MYH7B: variants seen among roughly 807,000 people sequenced by gnomAD.
The protein encoded by MYH7B is myosin heavy chain 7B, also known as myosin-7B.
In MYH7B, 205 loss-of-function variants were observed where a neutral mutation model predicts 234.5. The ratio of observed to expected loss-of-function variants is 0.87; its 90% CI spans 0.78 to 0.98. MYH7B has a LOEUF of 0.98. Ranked by LOEUF, MYH7B falls within the 50% of genes least tolerant of loss-of-function variation. The probability of loss-of-function intolerance (pLI) is 0.00; values close to 1 mark genes in which losing one functional copy is unlikely to be tolerated. For synonymous variants in MYH7B, 1,193 were observed against 1,105.0 expected, an observed-to-expected ratio of 1.08 and a Z score of -1.58; for missense variants, 2,652 against 2,633.4, an observed-to-expected ratio of 1.01 and a Z score of -0.15.
At chr20:34,982,326 G>T in intron 9 of MYH7B, 133 bp from the exon 10 acceptor site, 1 of 734,736 alleles carries the variant, frequency 1.4e-6, no homozygotes, top group Non-Finnish European at 2.4e-6. Flanking sequence ...CACCTCTGAG[G>T]GTTGATCCAT....
chr20:34,998,781 GCAACAC>G (rs779578452), exon 35 of MYH7B: 8 of 1,613,034 alleles, frequency 5.0e-6, no homozygotes, highest in Non-Finnish European at 6.8e-6. Context: ...TCCTGCGGGA[GCAACAC>G]GAGGAGGAGG....
exon 39 of MYH7B, chr20:35,000,294 C>T (rs746231312): frequency 2.0e-5 from 31 of 1,570,098 alleles, no homozygotes; most frequent in African/African-American, 4.0e-5. Flanking sequence ...CTCCCATAGG[C>T]GCAACCACCA....
chr20:34,957,252 G>A (rs13041792), intron 1 of MYH7B, among the ~76,000 whole-genome samples: 28,937 of 152,082 alleles, frequency 0.19, 2,841 homozygotes, highest in Middle Eastern at 0.33. Flanking sequence ...AGCAGGGGAA[G>A]GACATGGTTA....
intron 24 of MYH7B, among the ~76,000 whole-genome samples, chr20:34,991,876 C>T (rs2082156870): frequency 6.6e-6 from 1 of 152,228 alleles, no homozygotes; most frequent in South Asian, 2.1e-4. Context: ...GCCTGGAGAT[C>T]GTTCCTTATC....
chr20:34,969,346 A>C (rs940763400), intron 2 of MYH7B, among the ~76,000 whole-genome samples: 1 of 152,046 alleles, frequency 6.6e-6, no homozygotes, highest in Non-Finnish European at 1.5e-5. Context: ...CACGATTTAA[A>C]GTTCAAAGGG....
chr20:34,983,431 C>T lies in MYH7B; in HGVS notation c.624+876C>T, dbSNP rs2081972117. On this transcript the variant is annotated intron_variant, in intron 10 of 44. Transcript: ENST00000262873. The stretch of plus-strand genomic sequence containing the variant: ...TCCTTTTTCCTCCTTCCCTTTCCTG[C>T]CCTGTCTTCCAAATCCCTAAAAAGG... Among the ~76,000 whole-genome samples, 5 of 151,584 alleles carry T rather than the reference C, an allele frequency of 3.3e-5. No individual in the cohort carries two copies. In the South Asian group the frequency reaches 1.0e-3, roughly 32 times the overall value.
chr20:35,001,146 G>T (rs749507189), exon 41 of MYH7B: 1 of 1,613,756 alleles, frequency 6.2e-7, no homozygotes, highest in Non-Finnish European at 8.5e-7. Flanking sequence ...AGGTGCAGAA[G>T]CTGGAGGCCA....
At chr20:34,985,803 A>G (rs1444656887) in intron 13 of MYH7B, among the ~76,000 whole-genome samples, 1 of 152,120 alleles carries the variant, frequency 6.6e-6, no homozygotes, top group Non-Finnish European at 1.5e-5. Flanking sequence ...CCACACACGC[A>G]CACACGCTGA....
chr20:35,000,003 T>C lies in MYH7B; in HGVS notation c.4781+97T>C, dbSNP rs2082339710. 4 of 1,205,784 alleles carry C rather than the reference T, an allele frequency of 3.3e-6. No individual in the cohort carries two copies. In the East Asian group the frequency reaches 1.0e-4, roughly 31 times the overall value. The allele number at this position is 1,205,784 out of a possible 1,614,324, so 74.7% of individuals were successfully genotyped here. A position where few individuals can be genotyped will look rare whatever the true frequency, so the allele number is the denominator to read the frequency against. ...CTAGTCTGTCCCTCCCATGGGACTT[T>C]GAGGTCCGGGTTGCTGTCTCCATTC... On this transcript the variant is annotated intron_variant, in intron 38 of 44. Coordinates refer to ENST00000262873, the Ensembl canonical transcript of MYH7B.
At chr20:34,987,372 C>T in intron 16 of MYH7B, 85 bp downstream of exon 16, 1 of 1,557,840 alleles carries the variant, frequency 6.4e-7, no homozygotes, top group Non-Finnish European at 8.7e-7. Flanking sequence ...TGTCCACAAC[C>T]TTTAACCTCA....
In MYH7B at chr20:34,998,251, T is replaced by G. The variant is rs769422136; in HGVS notation, c.3748-44T>G. 3.1e-6 allele frequency: 5 copies of G among 1,605,716 alleles called. No homozygotes were observed. The Admixed American group carries it at 8.4e-5, about 27-fold the overall frequency. Reference sequence around the variant, plus strand: ...TGCCATCTGATGCACAAACTTGTTCTGACATCTAACTCCTGACCCCTGACT... The same window carrying G: ...TGCCATCTGATGCACAAACTTGTTCGGACATCTAACTCCTGACCCCTGACT... On this transcript the variant is annotated intron_variant, in intron 32 of 44. Transcript: ENST00000262873.
At chr20:34,990,662 G>A (rs984333729) in intron 22 of MYH7B, 76 bp from the exon 23 acceptor site, 16 of 1,390,752 alleles carry the variant, frequency 1.2e-5, no homozygotes, top group Non-Finnish European at 1.4e-5. Context: ...CTCCCGTCTC[G>A]GTCCTGACCA....
chr20:34,992,571 T>C (rs2082175874), intron 24 of MYH7B, among the ~76,000 whole-genome samples: 1 of 146,842 alleles, frequency 6.8e-6, no homozygotes, highest in Non-Finnish European at 1.5e-5. Flanking sequence ...GTTTTTTTTT[T>C]TTTTTTTGAG....
chr20:34,984,116 A>T (rs2077574), intron 10 of MYH7B, among the ~76,000 whole-genome samples: 116,880 of 152,202 alleles, frequency 0.77, 45,226 homozygotes, highest in Middle Eastern at 0.83. Flanking sequence ...GCCCAGAGCT[A>T]AGTCTCCTCA....
exon 19 of MYH7B, chr20:34,988,227 C>T: frequency 6.2e-7 from 1 of 1,614,104 alleles, no homozygotes; most frequent in Non-Finnish European, 8.5e-7. Flanking sequence ...CGACTTCGGC[C>T]TTGACCTGCA....
chr20:34,999,573 G>A (rs747228984), exon 37 of MYH7B: 1 of 1,605,324 alleles, frequency 6.2e-7, no homozygotes, highest in Non-Finnish European at 8.5e-7. Context: ...CACTGCAGAG[G>A]AGATCAGCGA....
At chr20:34,981,129 G>A (rs2081935949) in intron 9 of MYH7B, 69 bp downstream of exon 9, 12 of 1,587,840 alleles carry the variant, frequency 7.6e-6, no homozygotes, top group Non-Finnish European at 1.0e-5. Flanking sequence ...CGGTACCACA[G>A]TCATTTCCCA....
At chr20:34,969,278 T>C (rs1244287868) in intron 2 of MYH7B, among the ~76,000 whole-genome samples, 3 of 152,106 alleles carry the variant, frequency 2.0e-5, no homozygotes, top group African/African-American at 7.2e-5. Context: ...TTTTCAAGGA[T>C]CATGCTGGAA....
exon 8 of MYH7B, chr20:34,980,728 C>A (rs376078249): frequency 1.2e-6 from 2 of 1,613,796 alleles, no homozygotes; most frequent in African/African-American, 2.7e-5. Flanking sequence ...CAACGACATG[C>A]TGCGCAGTAA....
Sources: allele counts gnomAD v4.1 joint callset (sites outside exome capture counted in the v4.1 genomes callset), GRCh38; gene constraint gnomAD v4.1.1; transcripts MANE v1.5; gene names NCBI Gene and HGNC (gene_info 2026-07-23, HGNC 2026-07-21).